The following WDR27 variants were observed in gnomAD, a reference collection of about 807,000 sequenced individuals.
WDR27 encodes WD repeat-containing protein 27.
A neutral mutation model predicts 114.4 loss-of-function variants in WDR27; 100 were observed. That is an observed-to-expected ratio of 0.87 (90% CI 0.74 to 1.03). WDR27 has a LOEUF of 1.03. WDR27 is among the 50% of genes least tolerant of loss of function. WDR27 has a pLI of 0.00. For missense variants in WDR27, 1,129 were observed against 1,092.9 expected (o/e 1.03, Z -0.47); for synonymous variants, 449 against 423.1 (o/e 1.06, Z -0.75).
chr6:169,456,736 T>C (rs559506093), downstream of WDR27, among the ~76,000 whole-genome samples: 132 of 149,092 alleles, frequency 8.9e-4, no homozygotes, highest in Non-Finnish European at 1.4e-3. The surrounding 1 kb of genome is among the most constrained non-coding windows in gnomAD (Gnocchi z 4.0). Context: ...GCAGAACCCA[T>C]GGGCAGAGGC....
chr6:169,490,439 C>A (rs888584118), intron 25 of WDR27, among the ~76,000 whole-genome samples: 2 of 152,142 alleles, frequency 1.3e-5, no homozygotes, highest in African/African-American at 4.8e-5. Context: ...CAGGTGTGTG[C>A]GCAGAAGGAG....
At chr6:169,450,034 G>T in the WDR27 span, among the ~76,000 whole-genome samples, 1 of 152,136 alleles carries the variant, frequency 6.6e-6, no homozygotes, top group African/African-American at 2.4e-5. Flanking sequence ...TCTTCCAGAA[G>T]TCACACTCAC....
intron 2 of WDR27, among the ~76,000 whole-genome samples, chr6:169,681,147 T>C (rs1001753348): frequency 6.6e-6 from 1 of 152,208 alleles, no homozygotes; most frequent in African/African-American, 2.4e-5. Flanking sequence ...TTCCCACCAA[T>C]AGGAGAATGC....
chr6:169,618,405 T>C (rs2128193081), intron 21 of WDR27, among the ~76,000 whole-genome samples: 1 of 152,226 alleles, frequency 6.6e-6, no homozygotes, highest in South Asian at 2.1e-4. Flanking sequence ...AGGATATCAA[T>C]AAATCATAAA....
intron 25 of WDR27, among the ~76,000 whole-genome samples, chr6:169,528,265 A>G (rs917492113): frequency 4.6e-5 from 7 of 152,232 alleles, no homozygotes; most frequent in Admixed American, 3.3e-4. Flanking sequence ...TACTGAAAAA[A>G]GAGTATTTCA....
chr6:169,447,044 G>A, the WDR27 span, among the ~76,000 whole-genome samples: 3 of 152,042 alleles, frequency 2.0e-5, no homozygotes, highest in Non-Finnish European at 4.4e-5. Context: ...TTATGATAAT[G>A]CAAAAAGATT....
At chr6:169,552,985 T>A (rs1279640925) in intron 25 of WDR27, among the ~76,000 whole-genome samples, 2 of 90,186 alleles carry the variant, frequency 2.2e-5, no homozygotes, top group Non-Finnish European at 4.5e-5. Context: ...TGTGTGTGTG[T>A]GTGTGTGTGT....
At chr6:169,668,868 G>A (rs1275127904) in intron 4 of WDR27, 1 of 152,174 alleles carries the variant, frequency 6.6e-6, no homozygotes, top group African/African-American at 2.4e-5. Context: ...ATTTAACTCT[G>A]GAAGACTTTC....
At chr6:169,569,128 C>T (rs1185367768) in intron 25 of WDR27, among the ~76,000 whole-genome samples, 3 of 152,284 alleles carry the variant, frequency 2.0e-5, no homozygotes, top group African/African-American at 7.2e-5. Context: ...CAACACACAA[C>T]CGTGGGACCG....
intron 25 of WDR27, among the ~76,000 whole-genome samples, chr6:169,457,841 T>C (rs1424790708): frequency 6.6e-6 from 1 of 152,202 alleles, no homozygotes; most frequent in Non-Finnish European, 1.5e-5. Flanking sequence ...ACTGCTGTTT[T>C]AATAATTTTA....
chr6:169,492,345 T>C (rs185648135), intron 25 of WDR27, among the ~76,000 whole-genome samples: 1 of 151,976 alleles, frequency 6.6e-6, no homozygotes, highest in Admixed American at 6.5e-5. Flanking sequence ...TGCTTAAAAA[T>C]ATAAAAAATC....
intron 2 of WDR27, among the ~76,000 whole-genome samples, chr6:169,677,463 G>A (rs931905074): frequency 6.6e-6 from 1 of 152,194 alleles, no homozygotes; most frequent in African/African-American, 2.4e-5. Context: ...ATAAATGGGA[G>A]CAAAGAAATG....
chr6:169,533,417 A>G (rs141011929), intron 25 of WDR27, among the ~76,000 whole-genome samples: 4 of 152,326 alleles, frequency 2.6e-5, no homozygotes, highest in African/African-American at 9.6e-5. Flanking sequence ...TGGAAATAAC[A>G]AAAGTGACTA....
chr6:169,634,644 T>C lies in WDR27; in HGVS notation c.2004-119A>G. 6.1e-6 allele frequency: 4 copies of C among 654,296 alleles called. No individual in the cohort carries two copies. In the Middle Eastern group the frequency reaches 7.9e-4, roughly 130 times the overall value. 40.5% of individuals were successfully genotyped at this position (654,296 alleles called of 1,614,324 possible). On this transcript the variant is annotated intron_variant, in intron 19 of 25. Coordinates refer to ENST00000448612, the MANE Select transcript of WDR27 (RefSeq NM_182552.5). Reference sequence around the variant, plus strand: ...TTTTCATATCACTTTAAAAATCATATTTTATGATACTGAGGGGAAAAGTGA... The same window carrying C: ...TTTTCATATCACTTTAAAAATCATACTTTATGATACTGAGGGGAAAAGTGA...
chr6:169,670,065 A>G (rs906996611), intron 4 of WDR27: 1 of 152,754 alleles, frequency 6.5e-6, no homozygotes, highest in Non-Finnish European at 1.5e-5. Flanking sequence ...GTTCCCTTAG[A>G]TTCCCACTTC....
chr6:169,634,952 T>A (rs1265672617), intron 19 of WDR27, among the ~76,000 whole-genome samples: 1 of 151,930 alleles, frequency 6.6e-6, no homozygotes, highest in Non-Finnish European at 1.5e-5. Flanking sequence ...TCCCACAAGA[T>A]CAGAAAGAGG....
chr6:169,436,771 T>G, the WDR27 span, among the ~76,000 whole-genome samples: 1 of 152,130 alleles, frequency 6.6e-6, no homozygotes, highest in Non-Finnish European at 1.5e-5. Context: ...AAATATAAAT[T>G]AATGTTTCTT....
chr6:169,576,909 G>A (rs891143317), intron 24 of WDR27, among the ~76,000 whole-genome samples: 31 of 152,166 alleles, frequency 2.0e-4, no homozygotes, highest in African/African-American at 7.5e-4. Context: ...AAGAAAGAAA[G>A]ATGGTAACTT....
chr6:169,463,783 CAATTCCATTTAA>C (rs1159157220), intron 25 of WDR27, among the ~76,000 whole-genome samples: 1 of 152,098 alleles, frequency 6.6e-6, no homozygotes, highest in Non-Finnish European at 1.5e-5. Context: ...ATTATTAAAA[CAATTCCATTTAA>C]AATAGCATCA....
Sources: allele counts gnomAD v4.1 joint callset (sites outside exome capture counted in the v4.1 genomes callset), GRCh38; gene constraint gnomAD v4.1.1; non-coding constraint Gnocchi (gnomAD v3.1); transcripts MANE v1.5; gene names NCBI Gene and HGNC (gene_info 2026-07-23, HGNC 2026-07-21).